Variants in LMO7 observed in about 807,000 individuals in gnomAD.
LMO7 encodes the protein LIM domain only protein 7.
In LMO7, 120 loss-of-function variants were observed where a neutral mutation model predicts 206.5. The ratio of observed to expected loss-of-function variants is 0.58; its 90% CI spans 0.50 to 0.68. The LOEUF (loss-of-function observed/expected upper bound fraction) is 0.68, where lower values mean the gene tolerates loss of function less well. Ranked by LOEUF, LMO7 falls within the 30% of genes least tolerant of loss-of-function variation. The pLI is 0.00. For synonymous variants in LMO7, 706 were observed against 681.5 expected (o/e 1.04, Z -0.56); for missense variants, 1,959 against 1,957.9 (o/e 1.00, Z -0.01).
At chr13:75,830,489 C>T (rs2058558408) in intron 15 of LMO7, among the ~76,000 whole-genome samples, 1 of 152,142 alleles carries the variant, frequency 6.6e-6, no homozygotes, top group African/African-American at 2.4e-5. Context: ...CCTGTGGTCA[C>T]CTGGTTAATG....
intron 4 of LMO7, among the ~76,000 whole-genome samples, chr13:75,793,742 A>C (rs1330158095): frequency 6.6e-6 from 1 of 152,210 alleles, no homozygotes; most frequent in East Asian, 1.9e-4. Flanking sequence ...TTGGAAACTG[A>C]GCACACCTGA....
chr13:75,752,349 T>G (rs58766784), intron 3 of LMO7, among the ~76,000 whole-genome samples: 3,418 of 152,118 alleles, frequency 0.022, 128 homozygotes, highest in African/African-American at 0.078. Context: ...TTCAGGCTGG[T>G]CTCGAACTCC....
chr13:75,638,361 A>G (rs890029826), intron 1 of LMO7, among the ~76,000 whole-genome samples: 3 of 151,986 alleles, frequency 2.0e-5, no homozygotes, highest in South Asian at 2.1e-4. Flanking sequence ...AGAAATTTGT[A>G]TGTAATGAAT....
At position 75,723,775 on chromosome 13, in the gene LMO7, G is replaced by A. The variant is rs750775934; in HGVS notation, c.141-3254G>A. Reference sequence around the variant, plus strand: ...TAAGGGAGGGGAGTGAGAAGAAAAGGAAGGAGGCAACTTGAGAGATGTCTT... The same window carrying A: ...TAAGGGAGGGGAGTGAGAAGAAAAGAAAGGAGGCAACTTGAGAGATGTCTT... On this transcript the variant is annotated intron_variant, in intron 2 of 30. Coordinates refer to ENST00000377534, the MANE Select transcript of LMO7 (RefSeq NM_001306080.2). 7.2e-5 allele frequency among the ~76,000 whole-genome samples: 11 copies of A among 152,156 alleles called. No homozygotes were observed. In the South Asian group the frequency reaches 2.3e-3, roughly 31 times the overall value.
intron 1 of LMO7, among the ~76,000 whole-genome samples, chr13:75,677,279 A>G (rs1414721967): frequency 1.3e-5 from 2 of 152,224 alleles, no homozygotes; most frequent in African/African-American, 2.4e-5. Context: ...TAAAATTGCA[A>G]TTATTGTCTG....
At chr13:75,766,515 C>T (rs1283910119) in intron 4 of LMO7, among the ~76,000 whole-genome samples, 1 of 151,416 alleles carries the variant, frequency 6.6e-6, no homozygotes, top group Non-Finnish European at 1.5e-5. Context: ...TATACTTACA[C>T]AGACATAGAT....
rs118113473 is a variant in LMO7, at chr13:75,790,625, A to G, written c.318-4776A>G. On this transcript the variant is annotated intron_variant, in intron 4 of 30. Transcript: ENST00000377534. ...CTAGTATTTTAAAACCTTTGAGTAA[A>G]GAAAAGAGGATCAGACCTAGAGCTT... is the stretch of plus-strand genomic sequence containing the variant. 1.9e-3 allele frequency among the ~76,000 whole-genome samples: 286 copies of G among 152,256 alleles called. 2 individuals are homozygous for G. Among genetic ancestry groups the G allele is most frequent in the Non-Finnish European group, 3.1e-3 (210 of 68,028 alleles).
intron 4 of LMO7, among the ~76,000 whole-genome samples, chr13:75,781,023 A>C (rs1428947823): frequency 6.6e-6 from 1 of 151,706 alleles, no homozygotes; most frequent in Non-Finnish European, 1.5e-5. Context: ...CTGTACTTTA[A>C]AAAATACATT....
At chr13:75,688,942 G>C (rs190159134) in intron 1 of LMO7, 28 of 151,848 alleles carry the variant, frequency 1.8e-4, no homozygotes, top group African/African-American at 6.3e-4. Flanking sequence ...TCTTCTCCCC[G>C]CTCAGTCTTG....
rs9600556 is a variant in LMO7, at chr13:75,816,921, T to G, written c.1947-240T>G. ...TTTTTGTTTTTTTGTTTGTTTGTTT[T>G]TTTTGAGACTTGTATAGGGCTAATC... On this transcript the variant is annotated intron_variant, in intron 11 of 30. Transcript: ENST00000377534. 87,625 of 301,396 alleles carry G rather than the reference T, an allele frequency of 0.29. 14,887 individuals are homozygous for G. The highest frequency in any genetic ancestry group is 0.39 in the South Asian group (2,665 of 6,820). The allele number at this position is 301,396 out of a possible 1,614,324, so 18.7% of individuals were successfully genotyped here.
chr13:75,692,014 T>C lies in LMO7; in HGVS notation c.70-21168T>C, dbSNP rs543122892. Among the ~76,000 whole-genome samples the C allele has an allele frequency of 2.0e-5, 3 of 152,312 alleles. No homozygotes were observed. In the South Asian group the frequency reaches 6.2e-4, roughly 32 times the overall value. On this transcript the variant is annotated intron_variant, in intron 1 of 30. Coordinates refer to ENST00000377534, the MANE Select transcript of LMO7 (RefSeq NM_001306080.2). ...AGTAATTTCCTGGGGAGGCTTCACCTTTGCATTATTAAATCCCAATATCTT... is the reference window on the plus strand; with the variant it reads ...AGTAATTTCCTGGGGAGGCTTCACCCTTGCATTATTAAATCCCAATATCTT...
chr13:75,816,378 C>G (rs923999521), intron 11 of LMO7, among the ~76,000 whole-genome samples: 5 of 152,178 alleles, frequency 3.3e-5, no homozygotes, highest in African/African-American at 1.2e-4. Context: ...TTGAGACCAC[C>G]CTTAATCTCT....
intron 3 of LMO7, among the ~76,000 whole-genome samples, chr13:75,756,050 A>G (rs2047661790): frequency 6.6e-6 from 1 of 152,224 alleles, no homozygotes; most frequent in African/African-American, 2.4e-5. Flanking sequence ...AATTCAGAGC[A>G]TTTGCAGGAA....
chr13:75,750,913 A>G (rs2047217959), intron 3 of LMO7, among the ~76,000 whole-genome samples: 1 of 152,132 alleles, frequency 6.6e-6, no homozygotes. Flanking sequence ...CTGGGGTCCC[A>G]TGTCTATAAA....
chr13:75,804,088 C>T (rs895421514), intron 7 of LMO7: 10 of 545,156 alleles, frequency 1.8e-5, no homozygotes, highest in Non-Finnish European at 2.9e-5. Flanking sequence ...AAAGAATGTA[C>T]TGCATGTGCC....
intron 1 of LMO7, among the ~76,000 whole-genome samples, chr13:75,678,963 T>G (rs2040254006): frequency 6.6e-6 from 1 of 152,180 alleles, no homozygotes; most frequent in African/African-American, 2.4e-5. Context: ...TAGTATCTGG[T>G]TATTTGATCA....
In LMO7 at chr13:75,707,380, TAATA is replaced by T. The variant is rs1284178973; in HGVS notation, c.70-5798_70-5795del. On this transcript the variant is annotated intron_variant, in intron 1 of 30. Transcript: ENST00000377534. The stretch of plus-strand genomic sequence containing the variant: ...CTTTTTAAATAATATTCTTTACAAG[TAATA>T]AATCCACTTTTATGACATGAATTTC... Among the ~76,000 whole-genome samples, 5 of 152,244 alleles carry T rather than the reference TAATA, an allele frequency of 3.3e-5. No individual in the cohort carries two copies. The East Asian group carries it at 7.7e-4, about 23-fold the overall frequency.
At chr13:75,809,877 G>A (rs988289584) in intron 11 of LMO7, among the ~76,000 whole-genome samples, 7 of 146,256 alleles carry the variant, frequency 4.8e-5, no homozygotes, top group Middle Eastern at 3.4e-3. Flanking sequence ...TGTCGCCCAG[G>A]CTGGAGTGAA....
intron 3 of LMO7, among the ~76,000 whole-genome samples, chr13:75,733,475 C>G (rs577303051): frequency 6.6e-6 from 1 of 152,192 alleles, no homozygotes; most frequent in Admixed American, 6.5e-5. Context: ...TTAAGCCCGT[C>G]GGAAAAGCAC....
Sources: allele counts gnomAD v4.1 joint callset (sites outside exome capture counted in the v4.1 genomes callset), GRCh38; gene constraint gnomAD v4.1.1; transcripts MANE v1.5; gene names NCBI Gene and HGNC (gene_info 2026-07-23, HGNC 2026-07-21).